Variants in ZNF536 observed in about 807,000 individuals in gnomAD.
The protein encoded by ZNF536 is zinc finger protein 536.
ZNF536 carries 13 observed loss-of-function variants against 84.5 expected under a neutral mutation model. The ratio of observed to expected loss-of-function variants is 0.15; its 90% CI spans 0.10 to 0.24. The LOEUF (loss-of-function observed/expected upper bound fraction) is 0.24, where lower values mean the gene tolerates loss of function less well. Ranked by LOEUF, ZNF536 falls within the 10% of genes least tolerant of loss-of-function variation. The pLI is 1.00. For missense variants in ZNF536, 1,536 were observed against 1,747.5 expected (o/e 0.88, Z 2.16); for synonymous variants, 811 against 742.5 (o/e 1.09, Z -1.50).
At position 30,444,380 on chromosome 19, in the gene ZNF536, G is replaced by A. The variant is rs1050626333; in HGVS notation, c.818G>A (p.Gly273Asp). 1 of 1,604,852 alleles carries A rather than the reference G, an allele frequency of 6.2e-7. No individual in the cohort carries two copies. Among genetic ancestry groups the A allele is most frequent in the Non-Finnish European group, 8.5e-7 (1 of 1,179,596 alleles). Reference protein sequence around the residue: ...VQEDAVAPAAGFRCTFCKGKF... With the variant: ...VQEDAVAPAADFRCTFCKGKF... ...GAGGACGCGGTGGCCCCGGCGGCGG[G>A]CTTCCGCTGTACCTTCTGCAAGGGC... The change falls in exon 2 of 5, where the codon GGC (glycine) becomes GAC (aspartate). Residue 273 changes from glycine (G) to aspartate (D), a missense_variant. Physicochemically the swap from Gly to Asp is moderately conservative, Grantham distance 94. Around this residue, in one of 8 missense-constraint regions of ZNF536, gnomAD observed 138 missense variants for 136.8 expected, o/e 1.01. Coordinates refer to ENST00000355537, the MANE Select transcript of ZNF536 (RefSeq NM_014717.3).
At chr19:30,478,366 G>A (rs1392779461) in intron 2 of ZNF536, among the ~76,000 whole-genome samples, 1 of 152,084 alleles carries the variant, frequency 6.6e-6, no homozygotes, top group Non-Finnish European at 1.5e-5. Context: ...GCTTCTATTT[G>A]TATAAGTCCG....
intron 4 of ZNF536, among the ~76,000 whole-genome samples, chr19:30,550,996 G>T (rs962553128): frequency 6.6e-6 from 1 of 151,552 alleles, no homozygotes; most frequent in Non-Finnish European, 1.5e-5. Context: ...GGAAAAAAGC[G>T]TTTTATGTTA....
chr19:30,700,330 T>G, intron 1 of ZNF536, among the ~76,000 whole-genome samples: 2 of 143,322 alleles, frequency 1.4e-5, no homozygotes, highest in South Asian at 2.3e-4. Flanking sequence ...CTATCCCTCC[T>G]TCCTCCCTCC....
intron 1 of ZNF536, among the ~76,000 whole-genome samples, chr19:30,251,368 C>T (rs1032653541): frequency 6.6e-6 from 1 of 152,054 alleles, no homozygotes; most frequent in Non-Finnish European, 1.5e-5. Context: ...GGTGTGGGTG[C>T]AAATGGCCTT....
chr19:30,441,647 A>C lies in ZNF536; in HGVS notation c.-2-1914A>C, dbSNP rs373351907. On this transcript the variant is annotated intron_variant, in intron 1 of 4. Coordinates refer to ENST00000355537, the MANE Select transcript of ZNF536 (RefSeq NM_014717.3). ...AAATGGGCCCGCGTATTTTAAAAAA[A>C]TTTGAGTGTAGACTGCCCCCAGAAG... 1.1e-4 allele frequency among the ~76,000 whole-genome samples: 16 copies of C among 152,354 alleles called. No individual in the cohort carries two copies. In the South Asian group the frequency reaches 2.9e-3, roughly 28 times the overall value.
intron 2 of ZNF536, among the ~76,000 whole-genome samples, chr19:30,299,490 G>A (rs2046110264): frequency 6.6e-6 from 1 of 152,142 alleles, no homozygotes; most frequent in South Asian, 2.1e-4. Flanking sequence ...GGTAGGTGGT[G>A]GGGGTAGCTT....
chr19:30,649,392 A>G (rs975437789), intron 1 of ZNF536, among the ~76,000 whole-genome samples: 1 of 152,192 alleles, frequency 6.6e-6, no homozygotes, highest in Admixed American at 6.5e-5. Flanking sequence ...ACTAATATGC[A>G]TGCAATATGT....
chr19:30,237,327 A>G (rs746333768), intron 1 of ZNF536, among the ~76,000 whole-genome samples: 1 of 151,916 alleles, frequency 6.6e-6, no homozygotes, highest in Non-Finnish European at 1.5e-5. Flanking sequence ...TGTCTCTTTG[A>G]CTCACTTCTG....
At chr19:30,635,090 G>GTC (rs930611785) in intron 1 of ZNF536, among the ~76,000 whole-genome samples, 5 of 152,132 alleles carry the variant, frequency 3.3e-5, no homozygotes, top group Non-Finnish European at 5.9e-5. Flanking sequence ...GTGTGTGTGT[G>GTC]TATGCGCGTG....
At chr19:30,246,770 T>C (rs950999978) in intron 1 of ZNF536, among the ~76,000 whole-genome samples, 4 of 152,266 alleles carry the variant, frequency 2.6e-5, no homozygotes, top group African/African-American at 9.6e-5. Flanking sequence ...TGTCTAGCGG[T>C]AGCCAAGGCT....
chr19:30,494,972 C>G (rs1337585038), intron 2 of ZNF536, among the ~76,000 whole-genome samples: 5 of 137,600 alleles, frequency 3.6e-5, no homozygotes, highest in Non-Finnish European at 4.6e-5. Context: ...AAAAAAAAAG[C>G]CCCCTCAGCT....
intron 1 of ZNF536, among the ~76,000 whole-genome samples, chr19:30,703,974 G>A (rs2052110153): frequency 6.6e-6 from 1 of 152,164 alleles, no homozygotes; most frequent in Non-Finnish European, 1.5e-5. Flanking sequence ...GGGAAGCAGT[G>A]GTAGGAACCC....
chr19:30,410,239 T>A (rs1192761927), intron 1 of ZNF536, among the ~76,000 whole-genome samples: 2 of 152,076 alleles, frequency 1.3e-5, no homozygotes, highest in Admixed American at 6.5e-5. Context: ...TATAAATTTC[T>A]AATCCATTAA....
chr19:30,646,491 A>C (rs1289771244), intron 1 of ZNF536, among the ~76,000 whole-genome samples: 2 of 152,228 alleles, frequency 1.3e-5, no homozygotes, highest in African/African-American at 2.4e-5. Flanking sequence ...GAATGTGTGC[A>C]TGTGCGGGTG....
intron 1 of ZNF536, among the ~76,000 whole-genome samples, chr19:30,623,040 G>GTTTTTTTTT (rs778168856): frequency 3.0e-4 from 30 of 99,252 alleles, no homozygotes; most frequent in Non-Finnish European, 4.1e-4. Context: ...TTGTTTTTTT[G>GTTTTTTTTT]TTTTTTTGTT....
chr19:30,322,608 A>G (rs1449998914), intron 2 of ZNF536, among the ~76,000 whole-genome samples: 4 of 152,140 alleles, frequency 2.6e-5, no homozygotes, highest in Non-Finnish European at 5.9e-5. Context: ...CTAAGGAACC[A>G]TCCTTTTCCC....
intron 3 of ZNF536, among the ~76,000 whole-genome samples, chr19:30,541,913 G>T (rs1028684685): frequency 5.9e-5 from 9 of 152,122 alleles, no homozygotes; most frequent in Admixed American, 5.9e-4. Context: ...TATGCTTTGG[G>T]GGAATTAGTG....
chr19:30,571,547 A>T (rs1355826896), intron 1 of ZNF536, among the ~76,000 whole-genome samples: 1 of 152,208 alleles, frequency 6.6e-6, no homozygotes, highest in Non-Finnish European at 1.5e-5. Flanking sequence ...AAGCAGAGAA[A>T]GTAACTTGGA....
chr19:30,529,497 C>G (rs1428070449), intron 2 of ZNF536, among the ~76,000 whole-genome samples: 1 of 152,148 alleles, frequency 6.6e-6, no homozygotes, highest in African/African-American at 2.4e-5. Flanking sequence ...TTTTAATCCC[C>G]CCAACTCCTT....
Sources: allele counts gnomAD v4.1 joint callset (sites outside exome capture counted in the v4.1 genomes callset), GRCh38; gene constraint gnomAD v4.1.1; regional missense constraint gnomAD v4.1.1; transcripts MANE v1.5; gene names NCBI Gene and HGNC (gene_info 2026-07-23, HGNC 2026-07-21).